LRP1B: variants seen among roughly 807,000 people sequenced by gnomAD.
LRP1B encodes the protein LDL receptor related protein 1B, also known as low-density lipoprotein receptor-related protein 1B.
A neutral mutation model predicts 556.6 loss-of-function variants in LRP1B; 217 were observed. The ratio of observed to expected loss-of-function variants is 0.39; its 90% CI spans 0.35 to 0.44. The LOEUF (loss-of-function observed/expected upper bound fraction) is 0.44, where lower values mean the gene tolerates loss of function less well. LRP1B is among the 20% of genes least tolerant of loss of function. The probability of loss-of-function intolerance (pLI) is 1.00; values close to 1 mark genes in which losing one functional copy is unlikely to be tolerated. For synonymous variants in LRP1B, 2,047 were observed against 1,865.8 expected (o/e 1.10, Z -2.50); for missense variants, 5,053 against 5,620.8 (o/e 0.90, Z 3.23).
intron 3 of LRP1B, among the ~76,000 whole-genome samples, chr2:141,354,265 T>C (rs1688544810): frequency 6.6e-6 from 1 of 151,988 alleles, no homozygotes; most frequent in Admixed American, 6.6e-5. Context: ...GGAGAGTATG[T>C]CCAGGAGACC....
chr2:142,109,547 T>C (rs573575825), intron 1 of LRP1B, among the ~76,000 whole-genome samples: 2 of 152,310 alleles, frequency 1.3e-5, no homozygotes, highest in East Asian at 3.9e-4. Context: ...TTCTGTGTTG[T>C]TACTGTAAGC....
chr2:141,672,323 T>G, intron 2 of LRP1B, among the ~76,000 whole-genome samples: 1 of 152,040 alleles, frequency 6.6e-6, no homozygotes, highest in East Asian at 1.9e-4. Context: ...TTTGATTTAG[T>G]GGGAGAGCTT....
intron 7 of LRP1B, among the ~76,000 whole-genome samples, chr2:141,145,535 C>CTT (rs71723433): frequency 6.7e-4 from 96 of 144,152 alleles, no homozygotes; most frequent in African/African-American, 1.9e-3. Flanking sequence ...TTTAATTAAA[C>CTT]TTTTTTTTTT....
chr2:141,290,660 AAG>A (rs1453735580), intron 3 of LRP1B, among the ~76,000 whole-genome samples: 1 of 152,160 alleles, frequency 6.6e-6, no homozygotes, highest in Non-Finnish European at 1.5e-5. Context: ...TGCAAATATT[AAG>A]CATGTATCAA....
At chr2:140,616,556 G>A (rs481253) in intron 41 of LRP1B, among the ~76,000 whole-genome samples, 41,803 of 149,828 alleles carry the variant, frequency 0.28, 6,051 homozygotes, top group South Asian at 0.44. Flanking sequence ...CATTCCAGGA[G>A]TCCATTTGGT....
intron 35 of LRP1B, among the ~76,000 whole-genome samples, chr2:140,761,822 G>A (rs1688933194): frequency 6.6e-6 from 1 of 151,488 alleles, no homozygotes; most frequent in African/African-American, 2.5e-5. Flanking sequence ...CTGACCAATA[G>A]AAGCTATGAC....
At chr2:140,651,526 TAAAAA>T (rs558677783) in intron 41 of LRP1B, among the ~76,000 whole-genome samples, 2 of 107,028 alleles carry the variant, frequency 1.9e-5, no homozygotes, top group African/African-American at 3.7e-5. Context: ...ATACAAAAAT[TAAAAA>T]AAAAAAAAAA....
chr2:141,431,445 G>A (rs972179590), intron 3 of LRP1B, among the ~76,000 whole-genome samples: 4 of 152,148 alleles, frequency 2.6e-5, no homozygotes, highest in Admixed American at 2.6e-4. Context: ...CAACCTGAAC[G>A]ATCTTAGCAG....
chr2:140,242,288 A>C (rs576453405), intron 87 of LRP1B, among the ~76,000 whole-genome samples: 2 of 151,282 alleles, frequency 1.3e-5, no homozygotes, highest in African/African-American at 4.8e-5. Flanking sequence ...ATGCTTAATG[A>C]ACAAAACACA....
chr2:140,245,110 C>T (rs549293510), intron 87 of LRP1B, among the ~76,000 whole-genome samples: 12 of 151,384 alleles, frequency 7.9e-5, no homozygotes, highest in African/African-American at 2.7e-4. Context: ...TAGCTAATAG[C>T]CCTTTCAAAA....
chr2:141,409,074 T>C (rs1690752512), intron 3 of LRP1B, among the ~76,000 whole-genome samples: 1 of 152,120 alleles, frequency 6.6e-6, no homozygotes, highest in Middle Eastern at 3.2e-3. Context: ...ATTGAATGAG[T>C]TAGTAATTGC....
chr2:140,941,790 C>T (rs1323157022), intron 20 of LRP1B, among the ~76,000 whole-genome samples: 1 of 152,078 alleles, frequency 6.6e-6, no homozygotes, highest in Non-Finnish European at 1.5e-5. Flanking sequence ...ACAAAGAAGT[C>T]CCATCCAAAT....
intron 84 of LRP1B, among the ~76,000 whole-genome samples, chr2:140,280,053 G>C (rs1001038445): frequency 6.6e-6 from 1 of 151,554 alleles, no homozygotes; most frequent in Non-Finnish European, 1.5e-5. Context: ...TTTCACTTTT[G>C]CTAAGTGAAA....
intron 1 of LRP1B, among the ~76,000 whole-genome samples, chr2:141,815,812 C>G (rs1012775344): frequency 6.6e-6 from 1 of 152,142 alleles, no homozygotes; most frequent in Admixed American, 6.5e-5. Context: ...CTCTTTGGGT[C>G]CATGCCATCT....
chr2:140,297,858 T>G lies in LRP1B; in HGVS notation c.12917A>C (p.Gln4306Pro). 1.2e-6 allele frequency: 2 copies of G among 1,614,030 alleles called. No individual in the cohort carries two copies. The highest frequency in any genetic ancestry group is 1.7e-6 in the Non-Finnish European group (2 of 1,179,936). ...GGTCIVTAGNQPYCHCQPEYT... is the reference protein window; with the variant it reads ...GGTCIVTAGNPPYCHCQPEYT... ...TTCCGGCTGGCAGTGGCAGTAAGGC[T>G]GGTTTCCAGCAGTCACAATGCAGGT... The change falls in exon 84 of 91, where the codon CAG becomes CCG. Residue 4306 changes from glutamine to proline, a missense_variant. By Grantham distance (76) the Gln-to-Pro change is moderately conservative. This residue lies in a region of LRP1B where 551 missense variants were observed against 592.0 expected (regional missense o/e 0.93). Transcript: ENST00000389484.
At position 141,573,322 on chromosome 2, in the gene LRP1B, A is replaced by G. The variant is rs1375668931; in HGVS notation, c.206-92789T>C. 2.0e-5 allele frequency among the ~76,000 whole-genome samples: 3 copies of G among 152,320 alleles called. No individual in the cohort carries two copies. In the East Asian group the frequency reaches 5.8e-4, roughly 29 times the overall value. On this transcript the variant is annotated intron_variant, in intron 2 of 90. Transcript: ENST00000389484. ...AAACCACACAGTTACATGGAAATTG[A>G]ACAACCTGCTCCTGAATGACTCCTG...
intron 88 of LRP1B, among the ~76,000 whole-genome samples, 197 bp from the exon 89 acceptor site, chr2:140,238,493 G>C (rs1680809612): frequency 6.6e-6 from 1 of 150,874 alleles, no homozygotes; most frequent in African/African-American, 2.4e-5. Flanking sequence ...AAACACACTG[G>C]AAATAAATAC....
intron 41 of LRP1B, among the ~76,000 whole-genome samples, chr2:140,667,952 G>T (rs1331688876): frequency 6.6e-6 from 1 of 152,096 alleles, no homozygotes; most frequent in East Asian, 1.9e-4. Context: ...AACTCAAAAG[G>T]TATTTAATGA....
intron 7 of LRP1B, among the ~76,000 whole-genome samples, chr2:141,106,445 G>T (rs909619077): frequency 4.6e-5 from 7 of 151,970 alleles, no homozygotes; most frequent in Admixed American, 4.6e-4. Context: ...ATAAATAAAA[G>T]TTATAACAAA....
Sources: allele counts gnomAD v4.1 joint callset (sites outside exome capture counted in the v4.1 genomes callset), GRCh38; gene constraint gnomAD v4.1.1; regional missense constraint gnomAD v4.1.1; transcripts MANE v1.5; gene names NCBI Gene and HGNC (gene_info 2026-07-23, HGNC 2026-07-21).